TTC22: variants seen among roughly 807,000 people sequenced by gnomAD.
TTC22 encodes tetratricopeptide repeat protein 22.
Under a neutral mutation model 48.2 loss-of-function variants are expected in TTC22, and 42 were observed. The ratio of observed to expected loss-of-function variants is 0.87; its 90% confidence interval spans 0.68 to 1.13. The LOEUF (loss-of-function observed/expected upper bound fraction) is 1.13. TTC22 is among the 50% of genes most tolerant of loss of function. The probability of loss-of-function intolerance (pLI) is 0.00; values close to 1 mark genes in which losing one functional copy is unlikely to be tolerated. For missense variants in TTC22, 784 were observed against 807.0 expected, an observed-to-expected ratio of 0.97 and a Z score of 0.34; for synonymous variants, 345 against 365.5, an observed-to-expected ratio of 0.94 and a Z score of 0.64.
rs745825567 is a variant in TTC22 at position 54,785,994 on chromosome 1, T to G, written c.1009A>C (p.Thr337Pro). ...DPELNWQAYCTRAKIHIRAYL... is the reference protein window; with the variant it reads ...DPELNWQAYCPRAKIHIRAYL... ...GGAAGTTGACCCACCTTGGCCCTTG[T>G]GCAGTACGCCTGCCAGTTGAGTTCT... The change falls in exon 5 of 7, where the codon ACA becomes CCA. Residue 337 changes from threonine to proline, a missense_variant. Physicochemically the swap from Thr to Pro is conservative, Grantham distance 38. Transcript: ENST00000371276. The G allele has an allele frequency of 6.2e-7, 1 of 1,613,624 alleles. No homozygotes were observed. Among genetic ancestry groups the G allele is most frequent in the Non-Finnish European group, 8.5e-7 (1 of 1,179,854 alleles).
intron 1 of TTC22, among the ~76,000 whole-genome samples, chr1:54,789,669 C>T (rs1646335561): frequency 6.6e-6 from 1 of 151,310 alleles, no homozygotes; most frequent in African/African-American, 2.4e-5. Context: ...GCAATAAGGA[C>T]AGGAGAGAAA....
chr1:54,785,546 T>C (rs889113854), intron 5 of TTC22: 1 of 452,790 alleles, frequency 2.2e-6, no homozygotes, highest in South Asian at 1.6e-5. Flanking sequence ...GTGTAGTGGC[T>C]CACACCTGGA....
At chr1:54,787,116 G>A in intron 3 of TTC22, 41 bp from the exon 4 acceptor site, 1 of 1,172,788 alleles carries the variant, frequency 8.5e-7, no homozygotes, top group Non-Finnish European at 1.2e-6. Flanking sequence ...GGAAGCAGCA[G>A]GGTGGAGAGA....
At chr1:54,788,380 C>T (rs1200354823) in intron 1 of TTC22, among the ~76,000 whole-genome samples, 9 of 151,972 alleles carry the variant, frequency 5.9e-5, no homozygotes, top group African/African-American at 1.9e-4. Context: ...CGCCACAGGC[C>T]CCCCAACCCC....
At chr1:54,786,308 C>T (rs1646300837) in intron 4 of TTC22, 164 bp from the exon 5 acceptor site, 1 of 614,628 alleles carries the variant, frequency 1.6e-6, no homozygotes, top group African/African-American at 1.9e-5. Context: ...GTTGTCACAT[C>T]ACGAAGCCCC....
intron 5 of TTC22, chr1:54,785,454 C>T (rs1646292643): frequency 2.6e-6 from 1 of 380,640 alleles, no homozygotes; most frequent in African/African-American, 2.2e-5. Flanking sequence ...GCTGGGGGCT[C>T]ACTGACCAGG....
intron 1 of TTC22, among the ~76,000 whole-genome samples, chr1:54,795,920 G>A (rs975317323): frequency 2.6e-5 from 4 of 152,230 alleles, no homozygotes; most frequent in African/African-American, 9.6e-5. Flanking sequence ...GGGCTTTGAT[G>A]TCCCATAGAC....
chr1:54,800,169 G>A (rs1646422171), intron 1 of TTC22, among the ~76,000 whole-genome samples: 1 of 152,210 alleles, frequency 6.6e-6, no homozygotes, highest in African/African-American at 2.4e-5. Flanking sequence ...GAGCCTTTGT[G>A]AAGGGAGCTG....
chr1:54,788,093 G>A lies in TTC22; in HGVS notation c.572C>T (p.Pro191Leu), dbSNP rs200521080. The change falls in exon 2 of 7, where the codon CCG becomes CTG. Residue 191 changes from proline (P) to leucine (L), a missense_variant. Coordinates refer to ENST00000371276, the MANE Select transcript of TTC22 (RefSeq NM_001114108.2). ...ATACCAGCCCCTTTTCTCCTCCATCGGGATCTAGGGAAACAGAGAACAGCC... is the reference window on the plus strand; with the variant it reads ...ATACCAGCCCCTTTTCTCCTCCATCAGGATCTAGGGAAACAGAGAACAGCC... ...DKALGYGQQIPMEEKRGWYFT... is the reference protein window; with the variant it reads ...DKALGYGQQILMEEKRGWYFT... 9.3e-6 allele frequency: 15 copies of A among 1,613,818 alleles called. No homozygotes were observed. The highest frequency in any genetic ancestry group is 4.0e-5 in the African/African-American group (3 of 74,864).
Position 54,790,542 on chromosome 1 carries a change from C to G in TTC22, c.568-2445G>C, listed in dbSNP as rs12034866. On this transcript the variant is annotated intron_variant, in intron 1 of 6. Coordinates refer to ENST00000371276, the MANE Select transcript of TTC22 (RefSeq NM_001114108.2). Reference sequence around the variant, plus strand: ...GTCTGGAGGGGAGAAGGGATGGCCTCAAGGCTTAAAGGGCATCCCTGAGAA... The same window carrying G: ...GTCTGGAGGGGAGAAGGGATGGCCTGAAGGCTTAAAGGGCATCCCTGAGAA... Among the ~76,000 whole-genome samples, 101 of 152,282 alleles carry G rather than the reference C, an allele frequency of 6.6e-4. 4 individuals carry two copies. In the East Asian group the frequency reaches 0.018, roughly 28 times the overall value.
chr1:54,785,567 T>C (rs374946350), intron 5 of TTC22: 1 of 452,328 alleles, frequency 2.2e-6, no homozygotes, highest in East Asian at 7.0e-5. Flanking sequence ...ATTCCAGCAC[T>C]TTGGGAGGTC....
chr1:54,787,179 T>G, intron 3 of TTC22, 104 bp from the exon 4 acceptor site: 1 of 601,560 alleles, frequency 1.7e-6, no homozygotes, highest in Non-Finnish European at 2.8e-6. Context: ...AAGCAAGGGA[T>G]AGTAGAGTGG....
At chr1:54,783,804 A>G (rs1344487313) in intron 5 of TTC22, among the ~76,000 whole-genome samples, 1 of 152,158 alleles carries the variant, frequency 6.6e-6, no homozygotes, top group Non-Finnish European at 1.5e-5. Context: ...CAGCCTGGGC[A>G]ACATAGGCAG....
At position 54,790,854 on chromosome 1, in the gene TTC22, CCTCCTT is replaced by C. The variant is rs1174043470; in HGVS notation, c.568-2763_568-2758del. ...CCTTCTTCTTCTCCGTCCTCCTCCT[CCTCCTT>C]CTTCTTCTTCCTCTTTTTTTGAGAT... On this transcript the variant is annotated intron_variant, in intron 1 of 6. Coordinates refer to ENST00000371276, the MANE Select transcript of TTC22 (RefSeq NM_001114108.2). Among the ~76,000 whole-genome samples, 7 of 150,004 alleles carry C rather than the reference CCTCCTT, an allele frequency of 4.7e-5. No homozygotes were observed. In the East Asian group the frequency reaches 1.2e-3, roughly 25 times the overall value.
rs989098835 is a variant in TTC22 at position 54,801,225 on chromosome 1, G to T, written c.-62C>A. ...CCTGAGGCTGTGGAGGGCAGTGGAT[G>T]GGGGCGTTCCCCGAGCGAGCTCCGT... is the stretch of plus-strand genomic sequence containing the variant. On this transcript the variant is annotated 5_prime_UTR_variant, in exon 1 of 7. Transcript: ENST00000371276. 1.3e-6 allele frequency: 2 copies of T among 1,531,056 alleles called. No homozygotes were observed. The highest frequency in any genetic ancestry group is 1.8e-6 in the Non-Finnish European group (2 of 1,124,618). 94.8% of individuals were successfully genotyped at this position (1,531,056 alleles called of 1,614,324 possible).
At chr1:54,788,140 C>T in intron 1 of TTC22, 43 bp from the exon 2 acceptor site, 1 of 1,592,638 alleles carries the variant, frequency 6.3e-7, no homozygotes, top group Non-Finnish European at 8.6e-7. Context: ...TACTGAGGTA[C>T]TCTGGCCATT....
At chr1:54,786,266 A>C (rs1570108235) in intron 4 of TTC22, 122 bp from the exon 5 acceptor site, 1 of 833,078 alleles carries the variant, frequency 1.2e-6, no homozygotes, top group Admixed American at 2.6e-5. Flanking sequence ...GGTGCCCTTT[A>C]CCCATATCCA....
rs762662046 is a variant in TTC22, at chr1:54,800,829, C to A, written c.335G>T (p.Arg112Leu). Residue 112 changes from arginine (R) to leucine (L), a missense_variant, in exon 1 of 7, where the codon CGG (arginine) becomes CTG (leucine). Transcript: ENST00000371276. ...AWANLAHVYG[R>L]LGQEEEEEAC... ...CTCCTCCTCTTCTTCCTGGCCCAGC[C>A]GCCCGTACACGTGTGCCAGATTGGC... 1.2e-6 allele frequency: 2 copies of A among 1,602,672 alleles called. No individual in the cohort carries two copies. Among genetic ancestry groups the A allele is most frequent in the Middle Eastern group, 1.7e-4 (1 of 6,008 alleles).
chr1:54,780,507 G>C lies in TTC22; in HGVS notation c.*736C>G, dbSNP rs55890448. The stretch of plus-strand genomic sequence containing the variant: ...CCCTCTCAAAAAAAAAAAAAAAAAA[G>C]GGGGGGGGCAGGTGGCACCTCCTAA... On this transcript the variant is annotated 3_prime_UTR_variant, in exon 7 of 7. Transcript: ENST00000371276. 1.7e-5 allele frequency: 1 copy of C among 60,382 alleles called. No homozygotes were observed. The highest frequency in any genetic ancestry group is 4.5e-5 in the African/African-American group (1 of 22,332). The allele number at this position is 60,382 out of a possible 1,614,324, so 3.7% of individuals were successfully genotyped here.
Sources: gnomAD v4.1 joint callset for allele counts (sites outside exome capture counted in the v4.1 genomes callset) on GRCh38, gnomAD v4.1.1 for gene constraint, MANE v1.5 for transcripts, NCBI Gene and HGNC (gene_info 2026-07-23, HGNC 2026-07-21) for gene names.